BMP8A: variants seen among roughly 807,000 people sequenced by gnomAD.
BMP8A encodes BMP-8A.
In BMP8A, 14 loss-of-function variants were observed where a neutral mutation model predicts 36.8. That is an observed-to-expected ratio of 0.38 (90% CI 0.25 to 0.60). BMP8A has a LOEUF of 0.60. BMP8A is among the 20% of genes least tolerant of loss of function. The pLI is 0.63. For missense variants in BMP8A, 267 were observed against 551.1 expected, an observed-to-expected ratio of 0.48 and a Z score of 5.16; for synonymous variants, 120 against 237.7, an observed-to-expected ratio of 0.50 and a Z score of 4.55.
Position 39,492,003 on chromosome 1 carries a change from C to T in BMP8A, c.12C>T (p.Arg4=), listed in dbSNP as rs1260873094. The stretch of plus-strand genomic sequence containing the variant: ...GCCCCCGGCCCGCCATGGCCGCGCG[C>T]CCCGGACCGCTCTGGCTTCTGGGCC... MAA[R]PGPLWLLGLT... Residue 4 remains arginine, a synonymous_variant, in exon 1 of 7, where the codon CGC becomes CGT. Coordinates refer to ENST00000331593, the MANE Select transcript of BMP8A (RefSeq NM_181809.4). The T allele has an allele frequency of 2.8e-6, 3 of 1,085,384 alleles. No homozygotes were observed. Among genetic ancestry groups the T allele is most frequent in the Admixed American group, 5.2e-5 (1 of 19,080 alleles). The allele number at this position is 1,085,384 out of a possible 1,614,324, so 67.2% of individuals were successfully genotyped here.
intron 3 of BMP8A, chr1:39,515,459 G>A: frequency 1.1e-6 from 1 of 880,282 alleles, no homozygotes; most frequent in Non-Finnish European, 1.7e-6. Context: ...TCCAGGAAGG[G>A]GGCGCCCCCA....
Position 39,528,461 on chromosome 1 carries a change from A to G in BMP8A, c.*2663A>G, listed in dbSNP as rs1204937228. On this transcript the variant is annotated 3_prime_UTR_variant, in exon 7 of 7. Coordinates refer to ENST00000331593, the MANE Select transcript of BMP8A (RefSeq NM_181809.4). ...CTGGCTGCAACAAGTAGCCACTGACAGGGAGTCTGGGGCCATTTGGTGCAG... is the reference window on the plus strand; with the variant it reads ...CTGGCTGCAACAAGTAGCCACTGACGGGGAGTCTGGGGCCATTTGGTGCAG... 2.0e-5 allele frequency among the ~76,000 whole-genome samples: 3 copies of G among 152,224 alleles called. No individual in the cohort carries two copies. Among genetic ancestry groups the G allele is most frequent in the Non-Finnish European group, 2.9e-5 (2 of 68,032 alleles).
chr1:39,500,322 C>T (rs1055760948), intron 1 of BMP8A, among the ~76,000 whole-genome samples: 2 of 152,214 alleles, frequency 1.3e-5, no homozygotes, highest in African/African-American at 4.8e-5. Context: ...GACAATCTTG[C>T]CTCCCAGGAA....
chr1:39,509,096 T>A (rs1475201702), intron 1 of BMP8A, among the ~76,000 whole-genome samples: 1 of 152,170 alleles, frequency 6.6e-6, no homozygotes, highest in African/African-American at 2.4e-5. Flanking sequence ...GAAGTCAGCA[T>A]GTGGTCTGCC....
At chr1:39,523,226 G>A (rs1413005843) in intron 6 of BMP8A, 109 bp downstream of exon 6, 1 of 1,317,462 alleles carries the variant, frequency 7.6e-7, no homozygotes, top group Non-Finnish European at 1.1e-6. Flanking sequence ...CCATGTCTCG[G>A]GGGCTTTGTC....
At chr1:39,502,247 A>AAG (rs981333489) in intron 1 of BMP8A, among the ~76,000 whole-genome samples, 4 of 150,658 alleles carry the variant, frequency 2.7e-5, no homozygotes, top group African/African-American at 4.9e-5. Context: ...AAAAAAAAAA[A>AAG]AAAAGAAAAG....
chr1:39,514,850 G>A lies in BMP8A; in HGVS notation c.673+2946G>A, dbSNP rs1645382951. On this transcript the variant is annotated intron_variant, in intron 3 of 6. Transcript: ENST00000331593. ...TGCGCCTGGCCGGGGAGACCTGCTG[G>A]GAGGGAGTGCGTCAGGGCGCGGGCG... 10 of 1,151,798 alleles carry A rather than the reference G, an allele frequency of 8.7e-6. No homozygotes were observed. In the Middle Eastern group the frequency reaches 1.2e-3, roughly 139 times the overall value. 71.3% of individuals were successfully genotyped at this position (1,151,798 alleles called of 1,614,324 possible). A position where few individuals can be genotyped will look rare whatever the true frequency, so the allele number is the denominator to read the frequency against.
At chr1:39,501,722 CA>C (rs1314079157) in intron 1 of BMP8A, among the ~76,000 whole-genome samples, 1 of 152,110 alleles carries the variant, frequency 6.6e-6, no homozygotes, top group Non-Finnish European at 1.5e-5. Flanking sequence ...CCTGGCCTCC[CA>C]AAGTGATGGG....
chr1:39,505,449 T>C (rs1459206644), intron 1 of BMP8A, among the ~76,000 whole-genome samples: 10 of 152,134 alleles, frequency 6.6e-5, no homozygotes, highest in Admixed American at 6.5e-4. Flanking sequence ...AAGCACAGGG[T>C]TGGGGCTAGG....
chr1:39,493,239 T>TG lies in BMP8A; in HGVS notation c.334+915dup, dbSNP rs1313614239. On this transcript the variant is annotated intron_variant, in intron 1 of 6. Coordinates refer to ENST00000331593, the MANE Select transcript of BMP8A (RefSeq NM_181809.4). ...GGGCTGAGAGCAGGGAGTGGGTACC[T>TG]GCCCCAGCCACCAGCCTCCCTCCAC... Among the ~76,000 whole-genome samples the TG allele has an allele frequency of 3.0e-4, 45 of 152,310 alleles. 1 individual carries two copies. The highest frequency in any genetic ancestry group is 2.2e-4 in the African/African-American group (9 of 41,570).
At chr1:39,501,241 C>T (rs566980303) in intron 1 of BMP8A, among the ~76,000 whole-genome samples, 2 of 152,336 alleles carry the variant, frequency 1.3e-5, no homozygotes, top group Middle Eastern at 3.4e-3. Flanking sequence ...ACCCAGACAC[C>T]TCCCACTAGG....
chr1:39,526,078 A>G lies in BMP8A; in HGVS notation c.*280A>G, dbSNP rs1645480558. On this transcript the variant is annotated 3_prime_UTR_variant, in exon 7 of 7. Coordinates refer to ENST00000331593, the MANE Select transcript of BMP8A (RefSeq NM_181809.4). ...TGTCTGGAGTCAGCACAGAAGTCCT[A>G]TCTTAGGACCTGTCAGACTGTGGCT... 1.9e-6 allele frequency: 1 copy of G among 513,742 alleles called. No homozygotes were observed. The highest frequency in any genetic ancestry group is 3.4e-6 in the Non-Finnish European group (1 of 290,606). 31.8% of individuals were successfully genotyped at this position (513,742 alleles called of 1,614,324 possible).
At position 39,511,268 on chromosome 1, in the gene BMP8A, T is replaced by C; in HGVS notation, c.429T>C (p.Ala143=). 1 of 1,291,044 alleles carries C rather than the reference T, an allele frequency of 7.7e-7. No homozygotes were observed. Among genetic ancestry groups the C allele is most frequent in the Non-Finnish European group, 1.1e-6 (1 of 930,664 alleles). The allele number at this position is 1,291,044 out of a possible 1,614,324, so 80.0% of individuals were successfully genotyped here. The change falls in exon 2 of 7, where the codon GCT becomes GCC. Residue 143 remains alanine (A), a synonymous_variant. Coordinates refer to ENST00000331593, the MANE Select transcript of BMP8A (RefSeq NM_181809.4). ...TCCCGGCTGGGGAGGCGGTCACAGC[T>C]GCGGAGTTCCGGATTTACAAGGTGC... is the stretch of plus-strand genomic sequence containing the variant. ...TQIPAGEAVT[A]AEFRIYKVPS... is the part of the protein sequence containing the mutation.
rs571949734 is a variant in BMP8A, at chr1:39,497,856, C to T, written c.334+5531C>T. Among the ~76,000 whole-genome samples, 13 of 152,326 alleles carry T rather than the reference C, an allele frequency of 8.5e-5. No individual in the cohort carries two copies. In the South Asian group the frequency reaches 2.1e-3, roughly 24 times the overall value. ...CAGGTGGGACAGAGTGGGGCCGGCC[C>T]TCCCTGTCTGTGTGGGGGCCAACAA... On this transcript the variant is annotated intron_variant, in intron 1 of 6. Transcript: ENST00000331593.
chr1:39,510,403 C>G lies in BMP8A; in HGVS notation c.335-771C>G, dbSNP rs1158449883. Among the ~76,000 whole-genome samples, 14 of 132,444 alleles carry G rather than the reference C, an allele frequency of 1.1e-4. 1 individual carries two copies. Among genetic ancestry groups the G allele is most frequent in the African/African-American group, 3.9e-4 (14 of 36,294 alleles). The allele number at this position is 132,444 out of a possible 152,430, so 86.9% of individuals were successfully genotyped here. A position where few individuals can be genotyped will look rare whatever the true frequency, so the allele number is the denominator to read the frequency against. On this transcript the variant is annotated intron_variant, in intron 1 of 6. Transcript: ENST00000331593. Reference sequence around the variant, plus strand: ...CTTCCCCAGCACCTGACTGGCCTCTCCGGGAGTTGTCACTCCTGCCCTGGT... The same window carrying G: ...CTTCCCCAGCACCTGACTGGCCTCTGCGGGAGTTGTCACTCCTGCCCTGGT...
intron 1 of BMP8A, among the ~76,000 whole-genome samples, chr1:39,508,818 A>G (rs1463143560): frequency 2.0e-5 from 3 of 152,236 alleles, no homozygotes; most frequent in Admixed American, 2.0e-4. Context: ...TCTGATAAAA[A>G]TCATTATTTT....
Position 39,492,206 on chromosome 1 carries a change from C to G in BMP8A, c.215C>G (p.Ser72Cys). 7.0e-7 allele frequency: 1 copy of G among 1,434,478 alleles called. No individual in the cohort carries two copies. Among genetic ancestry groups the G allele is most frequent in the Non-Finnish European group, 9.1e-7 (1 of 1,102,156 alleles). The allele number at this position is 1,434,478 out of a possible 1,614,324, so 88.9% of individuals were successfully genotyped here. ...CCCGCCGCCTCCCGGCTGCCCGCGT[C>G]CGCGCCGCTCTTCATGCTGGACCTG... ...APPAASRLPA[S>C]APLFMLDLYH... Residue 72 changes from serine to cysteine, a missense_variant, in exon 1 of 7, where the codon TCC (serine) becomes TGC (cysteine). Ser to Cys is a moderately radical substitution (Grantham distance 112). Transcript: ENST00000331593.
intron 1 of BMP8A, 65 bp downstream of exon 1, chr1:39,492,390 C>G (rs1645168647): frequency 7.0e-7 from 1 of 1,421,816 alleles, no homozygotes; most frequent in Non-Finnish European, 9.1e-7. Flanking sequence ...GGCGCGCATC[C>G]GCGGGCGGTG....
chr1:39,506,152 A>T (rs150508748), intron 1 of BMP8A, among the ~76,000 whole-genome samples: 1 of 152,314 alleles, frequency 6.6e-6, no homozygotes, highest in East Asian at 1.9e-4. Flanking sequence ...TAGGACAGTT[A>T]GTAAAATTAG....
Sources: allele counts gnomAD v4.1 joint callset (sites outside exome capture counted in the v4.1 genomes callset), GRCh38; gene constraint gnomAD v4.1.1; transcripts MANE v1.5; gene names NCBI Gene and HGNC (gene_info 2026-07-23, HGNC 2026-07-21).